The following GALNT14 variants were observed in gnomAD, a reference collection of about 807,000 sequenced individuals.
The protein encoded by GALNT14 is UDP-GalNAc:polypeptide N-acetylgalactosaminyltransferase 14.
GALNT14 carries 60 observed loss-of-function variants against 77.5 expected under a neutral mutation model. The ratio of observed to expected loss-of-function variants is 0.77; its 90% CI spans 0.63 to 0.96. The LOEUF (loss-of-function observed/expected upper bound fraction) is 0.96, where lower values mean the gene tolerates loss of function less well. Among genes scored for constraint, GALNT14 ranks in the 40% least tolerant of loss-of-function variants. GALNT14 has a pLI of 0.00. For synonymous variants in GALNT14, 280 were observed against 281.7 expected, an observed-to-expected ratio of 0.99 and a Z score of 0.06; for missense variants, 710 against 731.0, an observed-to-expected ratio of 0.97 and a Z score of 0.33.
At chr2:30,989,393 T>C (rs1669515323) in intron 2 of GALNT14, among the ~76,000 whole-genome samples, 1 of 151,652 alleles carries the variant, frequency 6.6e-6, no homozygotes, top group Admixed American at 6.6e-5. Flanking sequence ...TATAGATGTG[T>C]GCTCCGTTTG....
At chr2:30,996,063 G>T (rs993560831) in intron 1 of GALNT14, among the ~76,000 whole-genome samples, 1 of 152,158 alleles carries the variant, frequency 6.6e-6, no homozygotes, top group African/African-American at 2.4e-5. Flanking sequence ...GGCCACCAAC[G>T]CTGGGGAGGG....
chr2:31,049,375 T>G (rs1250873175), intron 1 of GALNT14, among the ~76,000 whole-genome samples: 1 of 152,200 alleles, frequency 6.6e-6, no homozygotes, highest in Non-Finnish European at 1.5e-5. Context: ...TCCAGTCCAG[T>G]GTTCAGGGCT....
chr2:30,987,694 C>T (rs1669387234), intron 2 of GALNT14, among the ~76,000 whole-genome samples: 1 of 145,156 alleles, frequency 6.9e-6, no homozygotes, highest in Non-Finnish European at 1.5e-5. Context: ...GAAACTTCTA[C>T]AGCCTTCCTC....
At chr2:31,025,002 G>A (rs188864515) in intron 1 of GALNT14, among the ~76,000 whole-genome samples, 4 of 152,278 alleles carry the variant, frequency 2.6e-5, no homozygotes, top group African/African-American at 7.2e-5. Context: ...CAGGCCAATC[G>A]CTTCATCTCT....
In GALNT14 at chr2:30,955,749, G is replaced by A. The variant is rs41291165; in HGVS notation, c.533-10C>T. 0.01 allele frequency: 16,778 copies of A among 1,613,918 alleles called. 105 individuals are homozygous for A. Among genetic ancestry groups the A allele is most frequent in the Non-Finnish European group, 0.013 (15,237 of 1,179,966 alleles). On this transcript the variant is annotated splice_polypyrimidine_tract_variant and intron_variant, in intron 5 of 14. Transcript: ENST00000349752. ...CGGGACCGGACCAGACCTGCAGTCA[G>A]GAACAAATGACGAAGTGGGTGCCAC...
intron 11 of GALNT14, among the ~76,000 whole-genome samples, chr2:30,927,664 A>C (rs538478878): frequency 6.6e-6 from 1 of 152,272 alleles, no homozygotes; most frequent in East Asian, 1.9e-4. Flanking sequence ...TTGTTTTGGG[A>C]AGTTGATGTC....
intron 13 of GALNT14, among the ~76,000 whole-genome samples, chr2:30,921,613 T>C (rs953441644): frequency 6.6e-6 from 1 of 152,070 alleles, no homozygotes; most frequent in African/African-American, 2.4e-5. Flanking sequence ...TGATAGACAA[T>C]AGGAGCCATC....
chr2:31,047,337 G>T (rs1287849879), intron 1 of GALNT14, among the ~76,000 whole-genome samples: 13 of 152,144 alleles, frequency 8.5e-5, no homozygotes, highest in Admixed American at 8.5e-4. Context: ...ATCATTCCCT[G>T]GGGAAGTGGG....
At position 31,046,338 on chromosome 2, in the gene GALNT14, T is replaced by C. The variant is rs1442182747; in HGVS notation, c.130-53331A>G. Among the ~76,000 whole-genome samples the C allele has an allele frequency of 2.0e-5, 3 of 151,858 alleles. No homozygotes were observed. In the East Asian group the frequency reaches 5.8e-4, roughly 29 times the overall value. ...ACCTCCTGGGTTCAAGCGATTCTCC[T>C]GCCTCAGCCTCCCAAGTAGCTGGGA... On this transcript the variant is annotated intron_variant, in intron 1 of 14. Transcript: ENST00000349752.
rs115978773 is a variant in GALNT14 at position 30,919,670 on chromosome 2, C to T, written c.1380+4449G>A. 2.0e-3 allele frequency among the ~76,000 whole-genome samples: 304 copies of T among 152,348 alleles called. 1 individual carries two copies. The highest frequency in any genetic ancestry group is 6.7e-3 in the African/African-American group (279 of 41,578). ...TACTTTACCTGCGGCTTTGCTTCTT[C>T]GCCTTTGAGCGTGTCCTCTGAGGGT... On this transcript the variant is annotated intron_variant, in intron 13 of 14. Coordinates refer to ENST00000349752, the MANE Select transcript of GALNT14 (RefSeq NM_024572.4).
intron 8 of GALNT14, among the ~76,000 whole-genome samples, chr2:30,943,146 G>C (rs988116970): frequency 2.6e-5 from 4 of 152,222 alleles, no homozygotes; most frequent in Non-Finnish European, 4.4e-5. Flanking sequence ...ATACATTTCT[G>C]TTGTTTAAGC....
chr2:31,042,950 T>C (rs1434663777), intron 1 of GALNT14, among the ~76,000 whole-genome samples: 2 of 152,136 alleles, frequency 1.3e-5, no homozygotes, highest in Non-Finnish European at 2.9e-5. Context: ...CCCATTTCCT[T>C]CTGAACCTAA....
At chr2:31,087,004 A>G (rs1196533770) in intron 1 of GALNT14, among the ~76,000 whole-genome samples, 1 of 152,204 alleles carries the variant, frequency 6.6e-6, no homozygotes, top group African/African-American at 2.4e-5. Context: ...AGACCAAACT[A>G]AAAAATGAGG....
chr2:30,974,324 T>A (rs1558457287), intron 2 of GALNT14, among the ~76,000 whole-genome samples: 1 of 152,232 alleles, frequency 6.6e-6, no homozygotes, highest in Non-Finnish European at 1.5e-5. Flanking sequence ...TGCAGCAACT[T>A]CCTCTCTGGC....
intron 2 of GALNT14, among the ~76,000 whole-genome samples, chr2:30,987,491 G>A (rs987421946): frequency 2.0e-5 from 3 of 152,086 alleles, no homozygotes; most frequent in Admixed American, 6.5e-5. Context: ...ACTGTCTCTC[G>A]TAAAATACCG....
chr2:30,915,978 T>G (rs1207880484), intron 13 of GALNT14, among the ~76,000 whole-genome samples: 1 of 152,140 alleles, frequency 6.6e-6, no homozygotes, highest in Non-Finnish European at 1.5e-5. Context: ...TTAAACAAGT[T>G]TTATCAGGGG....
At chr2:31,100,879 G>C (rs1677236160) in intron 1 of GALNT14, among the ~76,000 whole-genome samples, 2 of 151,930 alleles carry the variant, frequency 1.3e-5, no homozygotes, top group Admixed American at 1.3e-4. Context: ...ACTTACATTA[G>C]CGTATGATTA....
At chr2:30,951,661 C>G (rs367905641) in intron 6 of GALNT14, among the ~76,000 whole-genome samples, 2 of 152,236 alleles carry the variant, frequency 1.3e-5, no homozygotes, top group African/African-American at 4.8e-5. Flanking sequence ...CACACATGCA[C>G]GCACACGTGC....
intron 2 of GALNT14, among the ~76,000 whole-genome samples, chr2:30,986,175 C>A (rs1669286726): frequency 6.6e-6 from 1 of 152,188 alleles, no homozygotes; most frequent in South Asian, 2.1e-4. Flanking sequence ...CCATTTAGCA[C>A]CGCACTGGAC....
Sources: gnomAD v4.1 joint callset for allele counts (sites outside exome capture counted in the v4.1 genomes callset) on GRCh38, gnomAD v4.1.1 for gene constraint, MANE v1.5 for transcripts, NCBI Gene and HGNC (gene_info 2026-07-23, HGNC 2026-07-21) for gene names.